Variants in PCSK5 observed in about 807,000 individuals in gnomAD.
PCSK5 encodes proprotein convertase subtilisin/kexin type 5.
PCSK5 carries 129 observed loss-of-function variants against 233.2 expected under a neutral mutation model. The ratio of observed to expected loss-of-function variants is 0.55; its 90% CI spans 0.48 to 0.64. PCSK5 has a LOEUF of 0.64. Ranked by LOEUF, PCSK5 falls within the 30% of genes least tolerant of loss-of-function variation. The pLI is 0.00. For missense variants in PCSK5, 2,076 were observed against 2,430.1 expected, an observed-to-expected ratio of 0.85 and a Z score of 3.06; for synonymous variants, 825 against 879.2, an observed-to-expected ratio of 0.94 and a Z score of 1.09.
At chr9:76,133,954 G>A (rs781371034) in intron 9 of PCSK5, among the ~76,000 whole-genome samples, 155 bp from the exon 10 acceptor site, 22 of 151,932 alleles carry the variant, frequency 1.4e-4, no homozygotes, top group Non-Finnish European at 2.9e-4. Context: ...AACAAGAGCG[G>A]CATTTGGCAT....
chr9:76,266,342 G>A (rs972198674), intron 24 of PCSK5, among the ~76,000 whole-genome samples: 1 of 152,128 alleles, frequency 6.6e-6, no homozygotes, highest in African/African-American at 2.4e-5. Flanking sequence ...TAATTACATG[G>A]TACTTACTAT....
chr9:75,975,492 A>T (rs11144706), intron 2 of PCSK5, among the ~76,000 whole-genome samples: 12,340 of 152,098 alleles, frequency 0.081, 592 homozygotes, highest in Middle Eastern at 0.18. Context: ...CTTTGCCAGC[A>T]TTTGCCTCTT....
intron 2 of PCSK5, among the ~76,000 whole-genome samples, chr9:75,969,646 T>C (rs1420970803): frequency 6.6e-6 from 1 of 152,176 alleles, no homozygotes; most frequent in Non-Finnish European, 1.5e-5. Flanking sequence ...AGAAGCAAGC[T>C]TGTTGGTGGG....
intron 7 of PCSK5, among the ~76,000 whole-genome samples, chr9:76,080,364 T>G (rs2131618626): frequency 6.6e-6 from 1 of 152,314 alleles, no homozygotes; most frequent in Admixed American, 6.5e-5. Flanking sequence ...TTGTAATTAT[T>G]ATACCTCCTT....
At chr9:75,942,379 C>T (rs979029297) in intron 2 of PCSK5, among the ~76,000 whole-genome samples, 4 of 152,204 alleles carry the variant, frequency 2.6e-5, no homozygotes, top group African/African-American at 7.2e-5. Context: ...GGGAGAAAGG[C>T]GTAAATGACA....
At chr9:75,897,489 C>CTTTTTTTT (rs58504698) in intron 1 of PCSK5, among the ~76,000 whole-genome samples, 5 of 119,608 alleles carry the variant, frequency 4.2e-5, no homozygotes, top group South Asian at 2.7e-4. Flanking sequence ...TCTTTCTTTT[C>CTTTTTTTT]TTTTTTTTTT....
At chr9:76,140,245 G>A (rs1392775576) in intron 10 of PCSK5, among the ~76,000 whole-genome samples, 1 of 152,090 alleles carries the variant, frequency 6.6e-6, no homozygotes, top group Non-Finnish European at 1.5e-5. Context: ...AGTTAATGAA[G>A]AGAACTATGT....
chr9:76,281,009 G>A (rs1169621025), intron 24 of PCSK5, among the ~76,000 whole-genome samples: 1 of 152,162 alleles, frequency 6.6e-6, no homozygotes, highest in East Asian at 1.9e-4. Context: ...GCTGAGAGAG[G>A]TAAGGAAGCT....
chr9:76,058,592 G>A (rs775098881), intron 5 of PCSK5, among the ~76,000 whole-genome samples: 25 of 152,096 alleles, frequency 1.6e-4, no homozygotes, highest in South Asian at 8.3e-4. Context: ...ATCAAGGAGC[G>A]TCTCCCTCAA....
At chr9:75,921,063 C>T (rs1455740027) in intron 1 of PCSK5, among the ~76,000 whole-genome samples, 3 of 151,800 alleles carry the variant, frequency 2.0e-5, no homozygotes, top group Non-Finnish European at 2.9e-5. Flanking sequence ...TTCATTTAAG[C>T]TTATTTTAAT....
chr9:76,327,964 C>T (rs1370743326), intron 32 of PCSK5, 45 bp from the exon 33 acceptor site: 1 of 1,270,078 alleles, frequency 7.9e-7, no homozygotes, highest in South Asian at 1.2e-5. Context: ...ACGAGGGCCA[C>T]CCTGGCTCTC....
intron 24 of PCSK5, among the ~76,000 whole-genome samples, chr9:76,289,958 A>T (rs1828227952): frequency 6.6e-6 from 1 of 152,144 alleles, no homozygotes; most frequent in South Asian, 2.1e-4. Flanking sequence ...TCTGTTTAAC[A>T]TTTTCATCAG....
intron 5 of PCSK5, among the ~76,000 whole-genome samples, chr9:76,053,062 G>T (rs546662135): frequency 6.6e-6 from 1 of 152,202 alleles, no homozygotes; most frequent in African/African-American, 2.4e-5. Flanking sequence ...CTGTGGCTTT[G>T]CAGGGTACAG....
chr9:76,304,103 T>A (rs866585836), intron 28 of PCSK5, among the ~76,000 whole-genome samples: 4 of 151,840 alleles, frequency 2.6e-5, no homozygotes, highest in Non-Finnish European at 5.9e-5. Flanking sequence ...ACCTGGGAGG[T>A]GAAGGTTGCA....
At chr9:76,151,646 C>A (rs954753843) in intron 10 of PCSK5, among the ~76,000 whole-genome samples, 1 of 152,200 alleles carries the variant, frequency 6.6e-6, no homozygotes, top group Non-Finnish European at 1.5e-5. Context: ...AAGCACAATC[C>A]AAATATGGAT....
chr9:75,970,674 T>C (rs1825782058), intron 2 of PCSK5, among the ~76,000 whole-genome samples: 1 of 152,126 alleles, frequency 6.6e-6, no homozygotes, highest in Non-Finnish European at 1.5e-5. Flanking sequence ...CAGACTGGAG[T>C]GCAGTGACAC....
In PCSK5 at chr9:76,321,510, G is replaced by A. The variant is rs1829202397; in HGVS notation, c.3973G>A (p.Glu1325Lys). ...EGNATNCHSC[E>K]GGHVLHHGVC... ...AAACGCCACCAACTGCCATTCTTGT[G>A]AAGGAGGCCACGTCCTGCACCACGG... The change falls in exon 31 of 38, where the codon GAA becomes AAA. Residue 1325 changes from glutamate (E) to lysine (K), a missense_variant. Glu to Lys is a moderately conservative substitution (Grantham distance 56). Coordinates refer to ENST00000674117, the MANE Select transcript of PCSK5 (RefSeq NM_001372043.1). 2 of 1,612,576 alleles carry A rather than the reference G, an allele frequency of 1.2e-6. No individual in the cohort carries two copies. The highest frequency in any genetic ancestry group is 1.7e-6 in the Non-Finnish European group (2 of 1,179,608).
At chr9:76,355,448 G>C (rs1028816498) in intron 37 of PCSK5, among the ~76,000 whole-genome samples, 1 of 152,006 alleles carries the variant, frequency 6.6e-6, no homozygotes, top group Non-Finnish European at 1.5e-5. Flanking sequence ...ACTCCAGCCT[G>C]GGTGACAGAG....
chr9:75,898,022 T>A (rs1231916856), intron 1 of PCSK5, among the ~76,000 whole-genome samples: 2 of 152,248 alleles, frequency 1.3e-5, no homozygotes, highest in Non-Finnish European at 2.9e-5. Context: ...TGCCTTTATA[T>A]GCCTTTCTGA....
Sources: allele counts gnomAD v4.1 joint callset (sites outside exome capture counted in the v4.1 genomes callset), GRCh38; gene constraint gnomAD v4.1.1; transcripts MANE v1.5; gene names NCBI Gene and HGNC (gene_info 2026-07-23, HGNC 2026-07-21).